SHISAL2A: variants seen among roughly 807,000 people sequenced by gnomAD.
The protein encoded by SHISAL2A is shisa like 2A, also known as protein shisa-like-2A.
In SHISAL2A, 18 loss-of-function variants were observed where a neutral mutation model predicts 11.5. That is an observed-to-expected ratio of 1.57 (90% CI 1.08 to 2.33). The LOEUF (loss-of-function observed/expected upper bound fraction) is 2.33, where lower values mean the gene tolerates loss of function less well. Among genes scored for constraint, SHISAL2A ranks in the 30% most tolerant of loss-of-function variants. The pLI is 0.00. For synonymous variants in SHISAL2A, 94 were observed against 99.6 expected, an observed-to-expected ratio of 0.94 and a Z score of 0.34; for missense variants, 261 against 250.9, an observed-to-expected ratio of 1.04 and a Z score of -0.27.
chr1:52,633,618 G>T lies in SHISAL2A; in HGVS notation c.125G>T (p.Cys42Phe). 6.2e-7 allele frequency: 1 copy of T among 1,613,096 alleles called. No individual in the cohort carries two copies. The change falls in exon 1 of 3, where the codon TGC becomes TTC. Residue 42 changes from cysteine (C) to phenylalanine (F), a missense_variant. Coordinates refer to ENST00000517870, the MANE Select transcript of SHISAL2A (RefSeq NM_001042693.3). This position sits in a 1 kb window ranked among gnomAD's most constrained non-coding sequence, Gnocchi z 6.4. ...FCCGFRDHKY[C>F]CDDPHSFFPY... Reference sequence around the variant, plus strand: ...TGCGGCTTCCGCGACCACAAGTACTGCTGCGACGACCCGCACAGCTTCTTC... The same window carrying T: ...TGCGGCTTCCGCGACCACAAGTACTTCTGCGACGACCCGCACAGCTTCTTC...
At chr1:52,662,670 G>A (rs1691931366) in intron 4 of SHISAL2A, among the ~76,000 whole-genome samples, 1 of 151,904 alleles carries the variant, frequency 6.6e-6, no homozygotes, top group Admixed American at 6.6e-5. Flanking sequence ...TTTAAAGAGA[G>A]TACCCCTTAG....
At chr1:52,656,681 G>C (rs1691795968) in intron 2 of SHISAL2A, 109 bp from the exon 3 acceptor site, 1 of 1,186,840 alleles carries the variant, frequency 8.4e-7, no homozygotes, top group East Asian at 2.4e-5. Flanking sequence ...TGCTTCTAAG[G>C]CTCTGACCAC....
chr1:52,667,947 A>G (rs1189878881), intron 5 of SHISAL2A, among the ~76,000 whole-genome samples: 1 of 151,998 alleles, frequency 6.6e-6, no homozygotes, highest in Non-Finnish European at 1.5e-5. Flanking sequence ...CATTCCCCAC[A>G]CCATTATGGA....
At chr1:52,655,661 G>T (rs1477600385) in intron 2 of SHISAL2A, among the ~76,000 whole-genome samples, 1 of 152,002 alleles carries the variant, frequency 6.6e-6, no homozygotes, top group Admixed American at 6.6e-5. Flanking sequence ...GGATATATAG[G>T]TGGCAAATAG....
chr1:52,645,423 T>TTTTGTTTTGTTTTGTTTTGTTTTGTTTTG lies in SHISAL2A; in HGVS notation c.322+2423_322+2424insTGTTTTGTTTTGTTTTGTTTTGTTTTGTT, dbSNP rs1433015876. 5.3e-5 allele frequency among the ~76,000 whole-genome samples: 8 copies of TTTTGTTTTGTTTTGTTTTGTTTTGTTTTG among 152,116 alleles called. No individual in the cohort carries two copies. In the East Asian group the frequency reaches 1.2e-3, roughly 22 times the overall value. On this transcript the variant is annotated intron_variant, in intron 2 of 2. Transcript: ENST00000517870. ...TTTTGTTTTGTTTTGTTTTGTTTTG[T>TTTTGTTTTGTTTTGTTTTGTTTTGTTTTG]TTGAGACAAGGTCTCACTCCAGTTG...
At chr1:52,666,782 A>C (rs963655889) in intron 4 of SHISAL2A, among the ~76,000 whole-genome samples, 1 of 152,190 alleles carries the variant, frequency 6.6e-6, no homozygotes, top group Non-Finnish European at 1.5e-5. Flanking sequence ...TGTCTCACTG[A>C]AATGACAGGG....
At chr1:52,650,225 AG>A (rs1691597918) in intron 2 of SHISAL2A, among the ~76,000 whole-genome samples, 3 of 152,218 alleles carry the variant, frequency 2.0e-5, no homozygotes, top group Non-Finnish European at 4.4e-5. Context: ...TCCTCCAAGC[AG>A]GGGGAAAACC....
chr1:52,639,227 A>G lies in SHISAL2A; in HGVS notation c.183-3636A>G, dbSNP rs370568071. Reference sequence around the variant, plus strand: ...TGGCTAGAGTATCAGAATATTCCACAATGATAAGATCCAAGGGGCCCCAGA... The same window carrying G: ...TGGCTAGAGTATCAGAATATTCCACGATGATAAGATCCAAGGGGCCCCAGA... On this transcript the variant is annotated intron_variant, in intron 1 of 2. Transcript: ENST00000517870. Among the ~76,000 whole-genome samples the G allele has an allele frequency of 6.6e-5, 10 of 152,202 alleles. No homozygotes were observed. In the East Asian group the frequency reaches 1.4e-3, roughly 21 times the overall value.
At chr1:52,658,492 C>T (rs1691842498), downstream of SHISAL2A, among the ~76,000 whole-genome samples, 1 of 152,206 alleles carries the variant, frequency 6.6e-6, no homozygotes, top group Non-Finnish European at 1.5e-5. Flanking sequence ...CTGTCACTTA[C>T]TTGCTAGGTA....
chr1:52,668,393 C>T (rs1360783649), intron 5 of SHISAL2A: 1 of 152,156 alleles, frequency 6.6e-6, no homozygotes, highest in South Asian at 2.1e-4. Context: ...CCCACCCCTC[C>T]CTGACTCCTT....
chr1:52,647,762 T>C (rs1691532722), intron 2 of SHISAL2A, among the ~76,000 whole-genome samples: 1 of 151,800 alleles, frequency 6.6e-6, no homozygotes, highest in South Asian at 2.1e-4. Flanking sequence ...GGAGGATTGC[T>C]TGAGGCCAGG....
At chr1:52,657,925 G>A (rs934384297), downstream of SHISAL2A, among the ~76,000 whole-genome samples, 1 of 152,220 alleles carries the variant, frequency 6.6e-6, no homozygotes, top group African/African-American at 2.4e-5. Context: ...CTCTGCCACT[G>A]TGTGGCCTTG....
In SHISAL2A at chr1:52,633,611, A is replaced by G; in HGVS notation, c.118A>G (p.Lys40Glu). 3.1e-6 allele frequency: 5 copies of G among 1,612,648 alleles called. No individual in the cohort carries two copies. Among genetic ancestry groups the G allele is most frequent in the African/African-American group, 1.3e-5 (1 of 74,854 alleles). ...CTTCTGCTGCGGCTTCCGCGACCAC[A>G]AGTACTGCTGCGACGACCCGCACAG... ...AVFCCGFRDH[K>E]YCCDDPHSFF... is the part of the protein sequence containing the mutation. Residue 40 changes from lysine (K) to glutamate (E), a missense_variant, in exon 1 of 3, where the codon AAG becomes GAG. Lys to Glu is a moderately conservative substitution (Grantham distance 56). Transcript: ENST00000517870. The surrounding 1 kb of genome is among the most constrained non-coding windows in gnomAD (Gnocchi z 6.4).
At chr1:52,635,435 G>A (rs1031967158) in intron 1 of SHISAL2A, among the ~76,000 whole-genome samples, 1 of 151,894 alleles carries the variant, frequency 6.6e-6, no homozygotes, top group African/African-American at 2.4e-5. Flanking sequence ...AATAGGGAAT[G>A]CCAATTGGTT....
At position 52,633,690 on chromosome 1, in the gene SHISAL2A, C is replaced by T; in HGVS notation, c.182+15C>T. 6.3e-7 allele frequency: 1 copy of T among 1,591,408 alleles called. No individual in the cohort carries two copies. The highest frequency in any genetic ancestry group is 8.6e-7 in the Non-Finnish European group (1 of 1,169,186). On this transcript the variant is annotated intron_variant, in intron 1 of 2. Transcript: ENST00000517870. This position sits in a 1 kb window ranked among gnomAD's most constrained non-coding sequence, Gnocchi z 6.4. ...TGGTGGCTCAGGTACCGTCCCTGGC[C>T]CTCACCCTACCTTGAACCCCACTCC...
chr1:52,633,558 C>T lies in SHISAL2A; in HGVS notation c.65C>T (p.Pro22Leu), dbSNP rs568400573. The change falls in exon 1 of 3, where the codon CCG becomes CTG. Residue 22 changes from proline to leucine, a missense_variant. Physicochemically the swap from Pro to Leu is moderately conservative, Grantham distance 98. Coordinates refer to ENST00000517870, the MANE Select transcript of SHISAL2A (RefSeq NM_001042693.3). The surrounding 1 kb of genome is among the most constrained non-coding windows in gnomAD (Gnocchi z 6.4). ...EQEVVRGFSC[P>L]RPGGEAAAVF... The stretch of plus-strand genomic sequence containing the variant: ...GAGGTGGTGCGCGGCTTCAGCTGCC[C>T]GCGGCCGGGGGGCGAGGCGGCCGCT... The T allele has an allele frequency of 1.4e-5, 23 of 1,610,444 alleles. No individual in the cohort carries two copies. Among genetic ancestry groups the T allele is most frequent in the South Asian group, 2.2e-5 (2 of 90,824 alleles).
intron 4 of SHISAL2A, among the ~76,000 whole-genome samples, chr1:52,664,335 C>T (rs1387969712): frequency 2.7e-5 from 4 of 150,934 alleles, no homozygotes; most frequent in South Asian, 2.1e-4. Flanking sequence ...GGACTACAGG[C>T]GCCGGCCACC....
At chr1:52,638,510 T>G (rs950873037) in intron 1 of SHISAL2A, among the ~76,000 whole-genome samples, 1 of 152,180 alleles carries the variant, frequency 6.6e-6, no homozygotes, top group African/African-American at 2.4e-5. Context: ...AAAGAAGTCA[T>G]GAGTAATCCA....
In SHISAL2A at chr1:52,645,634, C is replaced by A. The variant is rs1217665195; in HGVS notation, c.322+2632C>A. On this transcript the variant is annotated intron_variant, in intron 2 of 2. Coordinates refer to ENST00000517870, the MANE Select transcript of SHISAL2A (RefSeq NM_001042693.3). ...GTCCTGCTCAGGCTAGTCTCAAACT[C>A]CTGGCCTCAAGCAATCCACCTGCCT... 2.0e-5 allele frequency among the ~76,000 whole-genome samples: 3 copies of A among 152,288 alleles called. No homozygotes were observed. The East Asian group carries it at 5.8e-4, about 29-fold the overall frequency.
Sources: allele counts gnomAD v4.1 joint callset (sites outside exome capture counted in the v4.1 genomes callset), GRCh38; gene constraint gnomAD v4.1.1; non-coding constraint Gnocchi (gnomAD v3.1); transcripts MANE v1.5; gene names NCBI Gene and HGNC (gene_info 2026-07-23, HGNC 2026-07-21).